Variants in SMARCD2 observed in about 807,000 individuals in gnomAD.
SMARCD2 encodes the protein SWI/SNF-related matrix-associated actin-dependent regulator of chromatin subfamily D member 2.
A neutral mutation model predicts 70.4 loss-of-function variants in SMARCD2; 39 were observed. The observed-to-expected ratio is 0.55, with a 90% CI of 0.43 to 0.72. SMARCD2 has a LOEUF of 0.72. Among genes scored for constraint, SMARCD2 ranks in the 30% least tolerant of loss-of-function variants. The pLI, the probability that SMARCD2 is intolerant of heterozygous loss-of-function variation, is 0.00. For synonymous variants in SMARCD2, 249 were observed against 279.4 expected (o/e 0.89, Z 1.08); for missense variants, 540 against 713.4 (o/e 0.76, Z 2.77).
Position 63,842,625 on chromosome 17 carries a change from C to A in SMARCD2, c.50G>T (p.Gly17Val). ...GGFPLPPLSP[G>V]GGAVAAALGA... is the part of the protein sequence containing the mutation. ...CAGGGCCGCAGCCACGGCGCCGCCG[C>A]CAGGGCTTAGCGGGGGCAGCGGGAA... Residue 17 changes from glycine (G) to valine (V), a missense_variant, in exon 1 of 13, where the codon GGC becomes GTC. By Grantham distance (109) the Gly-to-Val change is moderately radical. Transcript: ENST00000448276. The A allele has an allele frequency of 5.6e-6, 7 of 1,239,780 alleles. No homozygotes were observed. The highest frequency in any genetic ancestry group is 7.1e-6 in the Non-Finnish European group (7 of 992,794). The allele number at this position is 1,239,780 out of a possible 1,614,324, so 76.8% of individuals were successfully genotyped here.
chr17:63,837,118 C>A lies in SMARCD2; in HGVS notation c.445-74G>T. On this transcript the variant is annotated intron_variant, in intron 3 of 12. Coordinates refer to ENST00000448276, the MANE Select transcript of SMARCD2 (RefSeq NM_001098426.2). This position sits in a 1 kb window ranked among gnomAD's most constrained non-coding sequence, Gnocchi z 6.4. ...GCTCTTTCCTCCCTTCCTGCTGCAG[C>A]CCAGCTTTGAGAGAGATGGACACCC... The A allele has an allele frequency of 6.2e-7, 1 of 1,612,468 alleles. No individual in the cohort carries two copies. Among genetic ancestry groups the A allele is most frequent in the Non-Finnish European group, 8.5e-7 (1 of 1,178,728 alleles).
chr17:63,835,760 C>G (rs1381992497), intron 4 of SMARCD2, 193 bp from the exon 5 acceptor site: 1 of 485,540 alleles, frequency 2.1e-6, no homozygotes, highest in Admixed American at 3.9e-5. Context: ...CATGGTCTCA[C>G]TCTGTCACCC....
rs184956592 is a variant in SMARCD2, at chr17:63,832,999, A to C, written c.1543-8T>G. On this transcript the variant is annotated splice_polypyrimidine_tract_variant and splice_region_variant and intron_variant, in intron 12 of 12. Transcript: ENST00000448276. ...CTGCCTTCGCTGCTGCACCTGGAGA[A>C]GGGAGAAACCAAGTGGCTCAGGCCT... 5.0e-5 allele frequency: 79 copies of C among 1,587,650 alleles called. No homozygotes were observed. In the Admixed American group the frequency reaches 5.9e-4, roughly 12 times the overall value.
chr17:63,832,088 C>CA lies in SMARCD2; in HGVS notation c.*849dup. The CA allele has an allele frequency of 9.8e-7, 1 of 1,024,654 alleles. No homozygotes were observed. Among genetic ancestry groups the CA allele is most frequent in the South Asian group, 1.4e-5 (1 of 71,330 alleles). The allele number at this position is 1,024,654 out of a possible 1,614,324, so 63.5% of individuals were successfully genotyped here. On this transcript the variant is annotated 3_prime_UTR_variant, in exon 13 of 13. Transcript: ENST00000448276. Reference sequence around the variant, plus strand: ...ACCAGGTCCAGGCACCACCAATAGACAAAAGGATTTATTTGGAAATTTCCA... The same window carrying CA: ...ACCAGGTCCAGGCACCACCAATAGACAAAAAGGATTTATTTGGAAATTTCCA...
rs759095802 is a variant in SMARCD2, at chr17:63,837,141, C to T, written c.444+54G>A. On this transcript the variant is annotated intron_variant, in intron 3 of 12. Transcript: ENST00000448276. The surrounding 1 kb of genome is among the most constrained non-coding windows in gnomAD (Gnocchi z 6.4). ...AGCCCAGCTTTGAGAGAGATGGACACCCACCCCAAGGTGGCCACTGGGCAG... is the reference window on the plus strand; with the variant it reads ...AGCCCAGCTTTGAGAGAGATGGACATCCACCCCAAGGTGGCCACTGGGCAG... The T allele has an allele frequency of 2.5e-6, 4 of 1,611,004 alleles. No individual in the cohort carries two copies. The African/African-American group carries it at 5.3e-5, about 22-fold the overall frequency.
chr17:63,839,210 A>G, intron 1 of SMARCD2: 1 of 985,420 alleles, frequency 1.0e-6, no homozygotes. Context: ...AGGCCCAGAC[A>G]TCCCAGACTA....
At chr17:63,840,865 G>A (rs1266517396) in intron 1 of SMARCD2, among the ~76,000 whole-genome samples, 1 of 152,236 alleles carries the variant, frequency 6.6e-6, no homozygotes, top group Non-Finnish European at 1.5e-5. Flanking sequence ...TAGCAGCCCA[G>A]GCCTAACCAG....
In SMARCD2 at chr17:63,837,555, G is replaced by A. The variant is rs765913102; in HGVS notation, c.287C>T (p.Pro96Leu). ...GLQVGPPAGS[P>L]FGAAAPLRPG... ...TCGAAGCGGAGCTGCTGCACCAAAT[G>A]GGGAGCCAGCAGGGGGTCCCACCTG... Residue 96 changes from proline (P) to leucine (L), a missense_variant, in exon 2 of 13, where the codon CCA becomes CTA. Pro to Leu is a moderately conservative substitution (Grantham distance 98, BLOSUM62 -3). Transcript: ENST00000448276. The surrounding 1 kb of genome is among the most constrained non-coding windows in gnomAD (Gnocchi z 6.4). 40 of 1,611,974 alleles carry A rather than the reference G, an allele frequency of 2.5e-5. No homozygotes were observed. The highest frequency in any genetic ancestry group is 1.2e-4 in the South Asian group (11 of 90,900).
At position 63,834,194 on chromosome 17, in the gene SMARCD2, G is replaced by A. The variant is rs933844885; in HGVS notation, c.1056C>T (p.Tyr352=). 5.0e-6 allele frequency: 8 copies of A among 1,608,068 alleles called. No homozygotes were observed. Among genetic ancestry groups the A allele is most frequent in the Middle Eastern group, 1.7e-4 (1 of 6,050 alleles). The part of the protein sequence containing the change: ...NQLQDGHERE[Y]INCNRYFRQI... ...GGCGGAAGTAACGGTTGCAGTTGAT[G>A]TACTCCCGCTCGTGCCCATCCTGCA... The change falls in exon 8 of 13, where the codon TAC becomes TAT. Residue 352 remains tyrosine (Y), a synonymous_variant. Transcript: ENST00000448276. The surrounding 1 kb of genome is among the most constrained non-coding windows in gnomAD (Gnocchi z 5.6).
At chr17:63,835,832 G>A (rs2584620) in intron 4 of SMARCD2, among the ~76,000 whole-genome samples, 47,996 of 151,466 alleles carry the variant, frequency 0.32, 8,264 homozygotes, top group South Asian at 0.58. Context: ...AGGTTCAAGC[G>A]ATTCTCTTGC....
chr17:63,833,541 C>A lies in SMARCD2; in HGVS notation c.1317+46G>T. The A allele has an allele frequency of 6.2e-7, 1 of 1,613,282 alleles. No homozygotes were observed. Among genetic ancestry groups the A allele is most frequent in the Non-Finnish European group, 8.5e-7 (1 of 1,179,386 alleles). ...GGAAATGCTGGACAGAGCCAGCCCA[C>A]CCCAATCCTGGGCCCCAGAGGAAGC... On this transcript the variant is annotated intron_variant, in intron 10 of 12. Coordinates refer to ENST00000448276, the MANE Select transcript of SMARCD2 (RefSeq NM_001098426.2). This position sits in a 1 kb window ranked among gnomAD's most constrained non-coding sequence, Gnocchi z 4.3.
At chr17:63,836,794 T>C in intron 4 of SMARCD2, 128 bp downstream of exon 4, 2 of 775,100 alleles carry the variant, frequency 2.6e-6, no homozygotes, top group South Asian at 3.4e-5. Flanking sequence ...GAGTTCGTAC[T>C]CTACTAGTGG....
chr17:63,841,225 G>A (rs1353650962), intron 1 of SMARCD2, among the ~76,000 whole-genome samples: 1 of 152,178 alleles, frequency 6.6e-6, no homozygotes, highest in African/African-American at 2.4e-5. Context: ...CTTTTCTCTT[G>A]AGAAAGGAGG....
At chr17:63,838,185 G>A (rs1379335156) in intron 1 of SMARCD2, among the ~76,000 whole-genome samples, 2 of 152,036 alleles carry the variant, frequency 1.3e-5, no homozygotes, top group Non-Finnish European at 2.9e-5. Context: ...CACCCCAGGT[G>A]AGCAGGGCTG....
rs1388157837 is a variant in SMARCD2, at chr17:63,834,909, G to A, written c.724-109C>T. The A allele has an allele frequency of 2.6e-6, 2 of 755,776 alleles. No homozygotes were observed. Among genetic ancestry groups the A allele is most frequent in the East Asian group, 5.0e-5 (2 of 39,918 alleles). 46.8% of individuals were successfully genotyped at this position (755,776 alleles called of 1,614,324 possible). A position where few individuals can be genotyped will look rare whatever the true frequency, so the allele number is the denominator to read the frequency against. On this transcript the variant is annotated intron_variant, in intron 5 of 12. Coordinates refer to ENST00000448276, the MANE Select transcript of SMARCD2 (RefSeq NM_001098426.2). This position sits in a 1 kb window ranked among gnomAD's most constrained non-coding sequence, Gnocchi z 5.6. The stretch of plus-strand genomic sequence containing the variant: ...TTTCAGCCCTGGAGCTCCGGATACT[G>A]AAGATTCCTGGGCCCTGAAGGATGG...
chr17:63,835,899 T>C (rs1247922794), intron 4 of SMARCD2, among the ~76,000 whole-genome samples: 1 of 152,094 alleles, frequency 6.6e-6, no homozygotes, highest in Admixed American at 6.5e-5. Flanking sequence ...CAGCTAATTT[T>C]TTGTGTTTTT....
chr17:63,833,147 A>G lies in SMARCD2; in HGVS notation c.1464T>C (p.Asn488=), dbSNP rs1490671029. The change falls in exon 12 of 13, where the codon AAT becomes AAC. Residue 488 remains asparagine (N), a synonymous_variant. Coordinates refer to ENST00000448276, the MANE Select transcript of SMARCD2 (RefSeq NM_001098426.2). This position sits in a 1 kb window ranked among gnomAD's most constrained non-coding sequence, Gnocchi z 4.3. ...AAGCAGCTCGTCTCTCCTCCTCAGG[A>G]TTTCCAATCACATCAGTGATGATCT... ...DLKIITDVIG[N]PEEERRAAFY... is the part of the protein sequence containing the mutation. The G allele has an allele frequency of 1.2e-6, 2 of 1,608,262 alleles. No individual in the cohort carries two copies. Among genetic ancestry groups the G allele is most frequent in the African/African-American group, 1.3e-5 (1 of 74,754 alleles).
At position 63,833,543 on chromosome 17, in the gene SMARCD2, CCAA is replaced by C. The variant is rs748083107; in HGVS notation, c.1317+41_1317+43del. On this transcript the variant is annotated intron_variant, in intron 10 of 12. Coordinates refer to ENST00000448276, the MANE Select transcript of SMARCD2 (RefSeq NM_001098426.2). The surrounding 1 kb of genome is among the most constrained non-coding windows in gnomAD (Gnocchi z 4.3). Reference sequence around the variant, plus strand: ...AAATGCTGGACAGAGCCAGCCCACCCCAATCCTGGGCCCCAGAGGAAGCTGTGG... The same window carrying C: ...AAATGCTGGACAGAGCCAGCCCACCCTCCTGGGCCCCAGAGGAAGCTGTGG... 3 of 1,613,334 alleles carry C rather than the reference CCAA, an allele frequency of 1.9e-6. No homozygotes were observed. In the Admixed American group the frequency reaches 5.0e-5, roughly 27 times the overall value.
At position 63,833,826 on chromosome 17, in the gene SMARCD2, C is replaced by T; in HGVS notation, c.1181+83G>A. ...CTGCACACACTCAGGGAAAAAGAAA[C>T]CTGATGCTTTCTTTGGCTTTAGTTC... is the stretch of plus-strand genomic sequence containing the variant. On this transcript the variant is annotated intron_variant, in intron 9 of 12. Transcript: ENST00000448276. The surrounding 1 kb of genome is among the most constrained non-coding windows in gnomAD (Gnocchi z 4.3). 6.4e-7 allele frequency: 1 copy of T among 1,560,704 alleles called. No homozygotes were observed.
Sources: gnomAD v4.1 joint callset for allele counts (sites outside exome capture counted in the v4.1 genomes callset) on GRCh38, gnomAD v4.1.1 for gene constraint, Gnocchi (gnomAD v3.1) non-coding constraint, MANE v1.5 for transcripts, NCBI Gene and HGNC (gene_info 2026-07-23, HGNC 2026-07-21) for gene names.